Variants in XRN1 observed in about 807,000 individuals in gnomAD.
XRN1 encodes the protein 5'-3' exoribonuclease 1, also known as strand-exchange protein 1 homolog.
A neutral mutation model predicts 222.3 loss-of-function variants in XRN1; 67 were observed. The observed-to-expected ratio is 0.30, with a 90% CI of 0.25 to 0.37. The LOEUF (loss-of-function observed/expected upper bound fraction) is 0.37, where lower values mean the gene tolerates loss of function less well. XRN1 is among the 10% of genes least tolerant of loss of function. The pLI is 1.00. For synonymous variants in XRN1, 643 were observed against 652.4 expected (o/e 0.99, Z 0.22); for missense variants, 1,707 against 2,000.2 (o/e 0.85, Z 2.80).
rs560214594 is a variant in XRN1, at chr3:142,432,242, A to T, written c.308+419T>A. Among the ~76,000 whole-genome samples, 969 of 108,170 alleles carry T rather than the reference A, an allele frequency of 9.0e-3. 15 individuals are homozygous for T. Among genetic ancestry groups the T allele is most frequent in the African/African-American group, 0.033 (693 of 20,770 alleles). 71.0% of individuals were successfully genotyped at this position (108,170 alleles called of 152,430 possible). A position where few individuals can be genotyped will look rare whatever the true frequency, so the allele number is the denominator to read the frequency against. Reference sequence around the variant, plus strand: ...ATATATAATTAATTATATATATATAAAATTTATTTTATATATATATATAAA... The same window carrying T: ...ATATATAATTAATTATATATATATATAATTTATTTTATATATATATATAAA... On this transcript the variant is annotated intron_variant, in intron 2 of 40. Coordinates refer to ENST00000392981, the MANE Select transcript of XRN1 (RefSeq NM_001282857.2).
intron 25 of XRN1, among the ~76,000 whole-genome samples, chr3:142,374,519 T>C (rs1490120523): frequency 6.6e-6 from 1 of 152,170 alleles, no homozygotes; most frequent in Non-Finnish European, 1.5e-5. Context: ...AACATTTACT[T>C]CATCATAAGG....
chr3:142,404,144 C>G (rs1401850496), intron 16 of XRN1, among the ~76,000 whole-genome samples, 155 bp from the exon 17 acceptor site: 1 of 151,992 alleles, frequency 6.6e-6, no homozygotes, highest in Non-Finnish European at 1.5e-5. Flanking sequence ...AGCAGATAAC[C>G]AGCCTCTCTA....
Position 142,311,656 on chromosome 3 carries a change from A to G in XRN1, c.4940T>C (p.Ile1647Thr). 6.2e-7 allele frequency: 1 copy of G among 1,614,178 alleles called. No homozygotes were observed. The highest frequency in any genetic ancestry group is 8.5e-7 in the Non-Finnish European group (1 of 1,180,006). ...SSSASLKSSP[I>T]AQPASSFQVE... ...TTGAAAAGAAGATGCAGGTTGAGCA[A>G]TCGGAGAGGACTTCAAAGAAGCTGA... is the stretch of plus-strand genomic sequence containing the variant. Residue 1647 changes from isoleucine to threonine, a missense_variant, in exon 41 of 41, where the codon ATT (isoleucine) becomes ACT (threonine). Around this residue, in one of 2 missense-constraint regions of XRN1, gnomAD observed 473 missense variants for 482.0 expected, o/e 0.98. Transcript: ENST00000392981.
intron 14 of XRN1, among the ~76,000 whole-genome samples, chr3:142,413,806 A>G (rs540744993): frequency 2.4e-4 from 37 of 152,234 alleles, no homozygotes; most frequent in Non-Finnish European, 3.7e-4. Context: ...AAATGAATCT[A>G]TAAATGTTTA....
At chr3:142,335,385 C>A in intron 34 of XRN1, 63 bp downstream of exon 34, 1 of 1,472,800 alleles carries the variant, frequency 6.8e-7, no homozygotes, top group Non-Finnish European at 9.5e-7. Flanking sequence ...CAGTCCAATG[C>A]TACAGAGCCA....
chr3:142,327,397 A>G (rs1307222266), intron 37 of XRN1, among the ~76,000 whole-genome samples: 4 of 151,928 alleles, frequency 2.6e-5, no homozygotes, highest in Admixed American at 2.0e-4. Context: ...ATAGTTGCTC[A>G]TAATAGTCTC....
chr3:142,353,741 G>C (rs1559808933), intron 32 of XRN1, among the ~76,000 whole-genome samples: 1 of 152,062 alleles, frequency 6.6e-6, no homozygotes, highest in Non-Finnish European at 1.5e-5. Context: ...GAAAATCCAG[G>C]AAATACCACT....
At chr3:142,365,017 T>C in intron 29 of XRN1, 30 bp downstream of exon 29, 1 of 1,601,592 alleles carries the variant, frequency 6.2e-7, no homozygotes, top group Non-Finnish European at 8.5e-7. Flanking sequence ...ATAAATTACG[T>C]TGAAGACATT....
At chr3:142,338,865 C>A (rs867857614) in intron 33 of XRN1, among the ~76,000 whole-genome samples, 1 of 152,154 alleles carries the variant, frequency 6.6e-6, no homozygotes, top group Admixed American at 6.5e-5. Flanking sequence ...CTCTTCTGCC[C>A]GCAGAAAGTG....
chr3:142,369,120 G>A (rs924097130), intron 27 of XRN1, among the ~76,000 whole-genome samples: 1 of 152,098 alleles, frequency 6.6e-6, no homozygotes, highest in African/African-American at 2.4e-5. Context: ...CAATTAGTTC[G>A]AACAAGAGAA....
At chr3:142,323,505 T>C (rs562300630) in intron 37 of XRN1, among the ~76,000 whole-genome samples, 1 of 152,272 alleles carries the variant, frequency 6.6e-6, no homozygotes, top group South Asian at 2.1e-4. Context: ...TAATGTAATA[T>C]TAAAGTATAG....
intron 12 of XRN1, 97 bp from the exon 13 acceptor site, chr3:142,417,326 A>G: frequency 1.1e-6 from 1 of 924,582 alleles, no homozygotes; most frequent in South Asian, 2.0e-5. Context: ...ACCTCAGATG[A>G]TTTATTTAAT....
At chr3:142,421,296 T>C in intron 9 of XRN1, 143 bp from the exon 10 acceptor site, 1 of 978,226 alleles carries the variant, frequency 1.0e-6, no homozygotes. Context: ...ACCTCATGTG[T>C]TACTCTAAAA....
chr3:142,315,110 A>G lies in XRN1; in HGVS notation c.4622-2352T>C, dbSNP rs1484324123. Among the ~76,000 whole-genome samples, 3 of 151,500 alleles carry G rather than the reference A, an allele frequency of 2.0e-5. No individual in the cohort carries two copies. The East Asian group carries it at 5.9e-4, about 30-fold the overall frequency. On this transcript the variant is annotated intron_variant, in intron 39 of 40. Coordinates refer to ENST00000392981, the MANE Select transcript of XRN1 (RefSeq NM_001282857.2). ...GCACCACACTCAGCTAATTTTTTCC[A>G]TCTTTTGTAGCAGTAAGGTCTCCCT...
rs1397041098 is a variant in XRN1 at position 142,422,883 on chromosome 3, G to A, written c.750C>T (p.His250=). Residue 250 remains histidine, a synonymous_variant, in exon 7 of 41, where the codon CAC becomes CAT. Transcript: ENST00000392981. ...CAATATACTCTCTCATTAAAGACAA[G>A]TGTAGAAGGTGAAATGTAGTTTCTT... ...APEETTFHLL[H]LSLMREYIDY... 1.2e-6 allele frequency: 2 copies of A among 1,612,404 alleles called. No individual in the cohort carries two copies. Among genetic ancestry groups the A allele is most frequent in the South Asian group, 1.1e-5 (1 of 90,936 alleles).
At chr3:142,371,880 G>T (rs2067001873) in intron 25 of XRN1, among the ~76,000 whole-genome samples, 1 of 152,156 alleles carries the variant, frequency 6.6e-6, no homozygotes, top group African/African-American at 2.4e-5. Flanking sequence ...ACGGTATCTG[G>T]TGGCATATAT....
rs2065034066 is a variant in XRN1, at chr3:142,309,403, T to C, written c.*2108A>G. On this transcript the variant is annotated 3_prime_UTR_variant, in exon 41 of 41. Coordinates refer to ENST00000392981, the MANE Select transcript of XRN1 (RefSeq NM_001282857.2). ...CACGCCCGGCTAATTTTTGTATTTT[T>C]AGTAGAGACAGGGCTTCATCATGTT... 1 of 152,172 alleles carries C rather than the reference T, an allele frequency of 6.6e-6. No homozygotes were observed. Among genetic ancestry groups the C allele is most frequent in the African/African-American group, 2.4e-5 (1 of 41,440 alleles). 9.4% of individuals were successfully genotyped at this position (152,172 alleles called of 1,614,324 possible).
At chr3:142,326,566 T>C (rs925322554) in intron 37 of XRN1, among the ~76,000 whole-genome samples, 5 of 152,118 alleles carry the variant, frequency 3.3e-5, no homozygotes, top group Non-Finnish European at 7.4e-5. Context: ...TAAGATTATA[T>C]TGTCTACTAA....
intron 34 of XRN1, among the ~76,000 whole-genome samples, chr3:142,334,968 T>A (rs1458194430): frequency 1.2e-5 from 1 of 84,846 alleles, no homozygotes; most frequent in Non-Finnish European, 2.1e-5. Context: ...CCCGAGTAAC[T>A]GGGACTACAG....
Sources: allele counts gnomAD v4.1 joint callset (sites outside exome capture counted in the v4.1 genomes callset), GRCh38; gene constraint gnomAD v4.1.1; regional missense constraint gnomAD v4.1.1; transcripts MANE v1.5; gene names NCBI Gene and HGNC (gene_info 2026-07-23, HGNC 2026-07-21).